ATP7A: variants seen among roughly 807,000 people sequenced by gnomAD.
ATP7A encodes the protein copper-transporting ATPase 1.
Under a neutral mutation model 83.5 loss-of-function variants are expected in ATP7A, and 7 were observed. The observed-to-expected ratio is 0.08, with a 90% CI of 0.05 to 0.16. The LOEUF (loss-of-function observed/expected upper bound fraction) is 0.16, where lower values mean the gene tolerates loss of function less well. ATP7A is among the 10% of genes least tolerant of loss of function. ATP7A has a pLI of 1.00. For synonymous variants in ATP7A, 354 were observed against 395.2 expected, an observed-to-expected ratio of 0.90 and a Z score of 1.24; for missense variants, 940 against 1,120.8, an observed-to-expected ratio of 0.84 and a Z score of 2.30.
In ATP7A at chrX:78,047,891, T is replaced by C. The variant is rs1403418092; in HGVS notation, c.*1321T>C. 2 of 112,023 alleles carry C rather than the reference T, an allele frequency of 1.8e-5. No individual in the cohort carries two copies. Among genetic ancestry groups the C allele is most frequent in the Middle Eastern group, 4.2e-3 (1 of 239 alleles). 9.2% of individuals were successfully genotyped at this position (112,023 alleles called of 1,213,427 possible). ...CAGCCTAAATTTGTATTTTTTGAATTGAGTATAATCACTTTGCTAGTATAT... is the reference window on the plus strand; with the variant it reads ...CAGCCTAAATTTGTATTTTTTGAATCGAGTATAATCACTTTGCTAGTATAT... On this transcript the variant is annotated 3_prime_UTR_variant, in exon 23 of 23. Coordinates refer to ENST00000341514, the MANE Select transcript of ATP7A (RefSeq NM_000052.7).
In ATP7A at chrX:77,984,094, C is replaced by T. The variant is rs1172491616; in HGVS notation, c.121-4148C>T. On this transcript the variant is annotated intron_variant, in intron 2 of 22. Coordinates refer to ENST00000341514, the MANE Select transcript of ATP7A (RefSeq NM_000052.7). Reference sequence around the variant, plus strand: ...AAGACAAGCTGTCGAAATATTGGAGCAATGTGGGGAATGAGGAAGGTGGGG... The same window carrying T: ...AAGACAAGCTGTCGAAATATTGGAGTAATGTGGGGAATGAGGAAGGTGGGG... 3.2e-4 allele frequency among the ~76,000 whole-genome samples: 36 copies of T among 111,021 alleles called. 1 individual carries two copies. The highest frequency in any genetic ancestry group is 7.5e-5 in the Non-Finnish European group (4 of 53,039).
chrX:77,968,925 C>T lies in ATP7A; in HGVS notation c.-21-2696C>T, dbSNP rs782413188. 17 of 1,208,729 alleles carry T rather than the reference C, an allele frequency of 1.4e-5. No individual in the cohort carries two copies. The African/African-American group carries it at 1.6e-4, about 11-fold the overall frequency. ...CCACAGCTTCTATGGCTTTGCACAC[C>T]GTCTCTTCATCCCCCAGAAACTGCA... is the stretch of plus-strand genomic sequence containing the variant. On this transcript the variant is annotated intron_variant, in intron 1 of 22. Transcript: ENST00000341514.
At chrX:77,992,700 G>A (rs1264251270) in intron 4 of ATP7A, among the ~76,000 whole-genome samples, 8 of 109,514 alleles carry the variant, frequency 7.3e-5, no homozygotes, top group Non-Finnish European at 1.5e-4. Context: ...CAACCTCTGT[G>A]CCCCGGGTTC....
chrX:77,948,827 C>T (rs1196073972), intron 1 of ATP7A, among the ~76,000 whole-genome samples: 6 of 111,189 alleles, frequency 5.4e-5, no homozygotes, highest in African/African-American at 2.0e-4. Context: ...GTAAATATAG[C>T]CTAGTCATTT....
intron 14 of ATP7A, among the ~76,000 whole-genome samples, chrX:78,025,780 T>C (rs782657415): frequency 1.8e-5 from 2 of 111,286 alleles, no homozygotes; most frequent in Non-Finnish European, 1.9e-5. Context: ...AGAGCCTATT[T>C]TTAGTTTCCC....
At chrX:78,009,898 T>A (rs782068708) in intron 7 of ATP7A, among the ~76,000 whole-genome samples, 109 of 112,538 alleles carry the variant, frequency 9.7e-4, no homozygotes, top group Non-Finnish European at 1.3e-3. Context: ...GAGTTGAAGG[T>A]TACTGTGAGA....
At chrX:78,012,590 TAAAAAAAAA>T (rs782360257) in intron 9 of ATP7A, among the ~76,000 whole-genome samples, 2 of 81,348 alleles carry the variant, frequency 2.5e-5, no homozygotes, top group Non-Finnish European at 4.7e-5. Context: ...GACTGTCTCT[TAAAAAAAAA>T]AAAAAAAAAA....
At chrX:78,044,694 A>T (rs2078073349) in intron 21 of ATP7A, among the ~76,000 whole-genome samples, 1 of 111,885 alleles carries the variant, frequency 8.9e-6, no homozygotes, top group Non-Finnish European at 1.9e-5. Context: ...AAAGCAATAT[A>T]ACTGAGAAAA....
At position 78,010,642 on chromosome X, in the gene ATP7A, C is replaced by T. The variant is rs149397223; in HGVS notation, c.1870-534C>T. Among the ~76,000 whole-genome samples, 822 of 83,651 alleles carry T rather than the reference C, an allele frequency of 9.8e-3. 10 individuals are homozygous for T. The highest frequency in any genetic ancestry group is 0.03 in the Middle Eastern group (3 of 101). The allele number at this position is 83,651 out of a possible 115,157, so 72.6% of individuals were successfully genotyped here. A position where few individuals can be genotyped will look rare whatever the true frequency, so the allele number is the denominator to read the frequency against. On this transcript the variant is annotated intron_variant, in intron 7 of 22. Coordinates refer to ENST00000341514, the MANE Select transcript of ATP7A (RefSeq NM_000052.7). Reference sequence around the variant, plus strand: ...TCGCCTGGGCTGGAGTGCAGTGGTGCGATCTCAGCTCACTGCAACCTCCGC... The same window carrying T: ...TCGCCTGGGCTGGAGTGCAGTGGTGTGATCTCAGCTCACTGCAACCTCCGC...
Position 78,034,137 on chromosome X carries a change from T to C in ATP7A, c.3511+316T>C, listed in dbSNP as rs1350641395. ...CTCTCCTTTGTCCCTCTGCAAATTA[T>C]CTTATTTTTTATATAGAAAATTATG... is the stretch of plus-strand genomic sequence containing the variant. On this transcript the variant is annotated intron_variant, in intron 17 of 22. Coordinates refer to ENST00000341514, the MANE Select transcript of ATP7A (RefSeq NM_000052.7). Among the ~76,000 whole-genome samples the C allele has an allele frequency of 2.7e-5, 3 of 112,018 alleles. 1 individual carries two copies. Among genetic ancestry groups the C allele is most frequent in the Admixed American group, 9.5e-5 (1 of 10,575 alleles).
Position 78,039,013 on chromosome X carries a change from A to C in ATP7A, c.3658+31A>C, listed in dbSNP as rs782004864. 7.5e-6 allele frequency: 9 copies of C among 1,193,687 alleles called. No homozygotes were observed. The African/African-American group carries it at 1.1e-4, about 14-fold the overall frequency. On this transcript the variant is annotated intron_variant, in intron 18 of 22. Coordinates refer to ENST00000341514, the MANE Select transcript of ATP7A (RefSeq NM_000052.7). ...GTTTTCCATAAGTATGCTATAACTC[A>C]ATGTTTTGTTATTGTTTTATTAATT... is the stretch of plus-strand genomic sequence containing the variant.
intron 1 of ATP7A, among the ~76,000 whole-genome samples, chrX:77,958,059 GT>G (rs782217709): frequency 9.1e-6 from 1 of 109,995 alleles, no homozygotes; most frequent in South Asian, 3.9e-4. Flanking sequence ...ATGGTGGGGG[GT>G]TTTTTTTGTT....
intron 12 of ATP7A, 88 bp downstream of exon 12, chrX:78,015,969 A>C: frequency 9.9e-7 from 1 of 1,010,252 alleles, no homozygotes; most frequent in Non-Finnish European, 1.4e-6. Flanking sequence ...ATGAATAACT[A>C]AATTATGAAC....
intron 4 of ATP7A, among the ~76,000 whole-genome samples, chrX:77,991,519 C>T (rs1366970924): frequency 1.8e-5 from 2 of 111,456 alleles, no homozygotes; most frequent in African/African-American, 6.5e-5. Context: ...ATGTATAACA[C>T]TGCTATGAAC....
chrX:77,914,558 C>T (rs191613301), intron 1 of ATP7A, among the ~76,000 whole-genome samples: 1 of 111,205 alleles, frequency 9.0e-6, no homozygotes, highest in Non-Finnish European at 1.9e-5. Flanking sequence ...CGCCACCACA[C>T]TTGGTTAGTT....
At chrX:77,932,564 TGGA>T (rs1319787441) in intron 1 of ATP7A, among the ~76,000 whole-genome samples, 1 of 110,149 alleles carries the variant, frequency 9.1e-6, no homozygotes, top group Non-Finnish European at 1.9e-5. Flanking sequence ...GGCTGGGAGG[TGGA>T]GGTTGTAGCG....
intron 5 of ATP7A, among the ~76,000 whole-genome samples, chrX:77,999,833 G>A (rs2077727868): frequency 9.2e-6 from 1 of 108,515 alleles, no homozygotes; most frequent in Non-Finnish European, 1.9e-5. Context: ...GAACCTGAGA[G>A]GCGGAGGTTG....
chrX:78,041,907 C>T (rs887076557), intron 19 of ATP7A, among the ~76,000 whole-genome samples: 2 of 109,396 alleles, frequency 1.8e-5, no homozygotes, highest in Non-Finnish European at 3.8e-5. Context: ...CACATGAGGT[C>T]GGGAGTTTGA....
chrX:77,970,604 G>A (rs1397013353), intron 1 of ATP7A, among the ~76,000 whole-genome samples: 1 of 111,727 alleles, frequency 9.0e-6, no homozygotes, highest in East Asian at 2.8e-4. Context: ...CCCGGGAGGC[G>A]GAAGTTGCAG....
Sources: allele counts gnomAD v4.1 joint callset (sites outside exome capture counted in the v4.1 genomes callset), GRCh38; gene constraint gnomAD v4.1.1; transcripts MANE v1.5; gene names NCBI Gene and HGNC (gene_info 2026-07-23, HGNC 2026-07-21).